PCCA: variants seen among roughly 807,000 people sequenced by gnomAD.
PCCA encodes the protein propionyl-CoA carboxylase alpha chain, mitochondrial.
Under a neutral mutation model 101.3 loss-of-function variants are expected in PCCA, and 74 were observed. The observed-to-expected ratio is 0.73, with a 90% CI of 0.61 to 0.89. The LOEUF is 0.89. Among genes scored for constraint, PCCA ranks in the 40% least tolerant of loss-of-function variants. The pLI is 0.00. For synonymous variants in PCCA, 294 were observed against 313.6 expected (o/e 0.94, Z 0.66); for missense variants, 891 against 907.0 (o/e 0.98, Z 0.23).
rs573106247 is a variant in PCCA at position 100,485,767 on chromosome 13, A to G, written c.1900-29660A>G. Among the ~76,000 whole-genome samples the G allele has an allele frequency of 4.6e-5, 7 of 152,292 alleles. 1 individual carries two copies. The highest frequency in any genetic ancestry group is 1.7e-4 in the African/African-American group (7 of 41,560). On this transcript the variant is annotated intron_variant, in intron 21 of 23. Coordinates refer to ENST00000376285, the MANE Select transcript of PCCA (RefSeq NM_000282.4). Reference sequence around the variant, plus strand: ...TAACTGGGAGAGCTGATGTATATGGAGCACTCAGTATGTGTGAGGCACCAT... The same window carrying G: ...TAACTGGGAGAGCTGATGTATATGGGGCACTCAGTATGTGTGAGGCACCAT...
chr13:100,256,541 A>C (rs2062089236), intron 8 of PCCA, among the ~76,000 whole-genome samples: 1 of 152,198 alleles, frequency 6.6e-6, no homozygotes, highest in Admixed American at 6.5e-5. Context: ...ATTTTAATTG[A>C]ATTAATTATA....
At chr13:100,256,006 T>C (rs1300612405) in intron 8 of PCCA, among the ~76,000 whole-genome samples, 1 of 152,142 alleles carries the variant, frequency 6.6e-6, no homozygotes, top group Non-Finnish European at 1.5e-5. Flanking sequence ...CATAGCATCA[T>C]TTAAATAGCC....
At chr13:100,257,495 AT>A in intron 8 of PCCA, 99 bp from the exon 9 acceptor site, 1 of 845,344 alleles carries the variant, frequency 1.2e-6, no homozygotes. Flanking sequence ...AAATAAATTA[AT>A]TATTGTTTTC....
At chr13:100,192,338 C>T (rs929693663) in intron 6 of PCCA, among the ~76,000 whole-genome samples, 7 of 152,168 alleles carry the variant, frequency 4.6e-5, no homozygotes, top group African/African-American at 1.7e-4. Flanking sequence ...GGTCCTGGTG[C>T]ACCTCTGTCT....
intron 14 of PCCA, among the ~76,000 whole-genome samples, chr13:100,306,784 C>G (rs2066486551): frequency 6.6e-6 from 1 of 152,174 alleles, no homozygotes; most frequent in Admixed American, 6.5e-5. Context: ...GGCCCAGGCC[C>G]ACATTCCTAT....
At chr13:100,455,988 C>T (rs1382834157) in intron 21 of PCCA, among the ~76,000 whole-genome samples, 1 of 152,190 alleles carries the variant, frequency 6.6e-6, no homozygotes, top group Non-Finnish European at 1.5e-5. Flanking sequence ...ATGTGAGCCA[C>T]CATGCCCGGC....
chr13:100,434,562 TG>T lies in PCCA; in HGVS notation c.1845+8836del, dbSNP rs576791661. ...GCCCTGGGATACTTTCATGTGGATT[TG>T]GGGGAACTTCTCACCTGCAGAACAC... On this transcript the variant is annotated intron_variant, in intron 20 of 23. Transcript: ENST00000376285. Among the ~76,000 whole-genome samples, 444 of 152,246 alleles carry T rather than the reference TG, an allele frequency of 2.9e-3. 4 individuals carry two copies. The highest frequency in any genetic ancestry group is 1.0e-2 in the African/African-American group (415 of 41,552).
chr13:100,089,214 C>T lies in PCCA; in HGVS notation c.94C>T (p.Arg32Trp). Residue 32 changes from arginine (R) to tryptophan (W), a missense_variant, in exon 1 of 24, where the codon CGG (arginine) becomes TGG (tryptophan). Arg to Trp is a moderately radical substitution (Grantham distance 101). Coordinates refer to ENST00000376285, the MANE Select transcript of PCCA (RefSeq NM_000282.4). ...GCAGCTGATGCTGAGCGCGGCGCTGCGGACCCTGAAGGTGAGGAGCAACGG... is the reference window on the plus strand; with the variant it reads ...GCAGCTGATGCTGAGCGCGGCGCTGTGGACCCTGAAGGTGAGGAGCAACGG... ...PQQLMLSAAL[R>W]TLKHVLYYSR... 1 of 1,521,086 alleles carries T rather than the reference C, an allele frequency of 6.6e-7. No homozygotes were observed. The highest frequency in any genetic ancestry group is 1.3e-5 in the South Asian group (1 of 79,540). 94.2% of individuals were successfully genotyped at this position (1,521,086 alleles called of 1,614,324 possible).
At chr13:100,524,502 A>G (rs1000841821) in intron 22 of PCCA, among the ~76,000 whole-genome samples, 1 of 151,898 alleles carries the variant, frequency 6.6e-6, no homozygotes, top group East Asian at 1.9e-4. Flanking sequence ...CTTAGGGATG[A>G]ATTAGGGAAA....
intron 1 of PCCA, among the ~76,000 whole-genome samples, chr13:100,102,037 T>G (rs569294272): frequency 3.3e-5 from 5 of 152,280 alleles, no homozygotes; most frequent in Admixed American, 6.5e-5. Flanking sequence ...TTTGCTGGTT[T>G]TTTTCCTCCA....
At chr13:100,494,444 G>A (rs1330623508) in intron 21 of PCCA, among the ~76,000 whole-genome samples, 1 of 152,140 alleles carries the variant, frequency 6.6e-6, no homozygotes, top group Non-Finnish European at 1.5e-5. Context: ...AGCACTTTGG[G>A]AGGCCGAGGC....
intron 12 of PCCA, among the ~76,000 whole-genome samples, chr13:100,275,838 C>G (rs2063615458): frequency 6.6e-6 from 1 of 152,112 alleles, no homozygotes; most frequent in Admixed American, 6.5e-5. Flanking sequence ...CCTGAGCTGC[C>G]AGACTGACAA....
chr13:100,160,757 T>C (rs779774654), intron 6 of PCCA: 8 of 152,200 alleles, frequency 5.3e-5, no homozygotes, highest in Non-Finnish European at 1.0e-4. Context: ...TTAACAGAGT[T>C]TACAAAGAGC....
intron 8 of PCCA, among the ~76,000 whole-genome samples, chr13:100,247,320 C>A (rs757423653): frequency 6.6e-6 from 1 of 150,966 alleles, no homozygotes; most frequent in Non-Finnish European, 1.5e-5. Context: ...AGGTTCACAC[C>A]GTTCTCTTGC....
chr13:100,320,612 T>C (rs1391805639), intron 16 of PCCA, among the ~76,000 whole-genome samples: 1 of 152,240 alleles, frequency 6.6e-6, no homozygotes, highest in African/African-American at 2.4e-5. Flanking sequence ...GTTCTGTTTA[T>C]ATGCTGGATT....
At chr13:100,383,883 C>T (rs1030501824) in intron 19 of PCCA, among the ~76,000 whole-genome samples, 4 of 152,050 alleles carry the variant, frequency 2.6e-5, no homozygotes, top group Admixed American at 1.3e-4. Context: ...TAATTATATA[C>T]GCATTGTTTG....
At chr13:100,225,014 T>C (rs2060068711) in intron 7 of PCCA, among the ~76,000 whole-genome samples, 1 of 152,192 alleles carries the variant, frequency 6.6e-6, no homozygotes. Context: ...TCTGAATAAT[T>C]TCATGCAGAA....
intron 4 of PCCA, among the ~76,000 whole-genome samples, chr13:100,135,956 AT>A (rs2051110948): frequency 6.6e-6 from 1 of 151,756 alleles, no homozygotes; most frequent in Non-Finnish European, 1.5e-5. Flanking sequence ...TGAGCGATTG[AT>A]TTTTTTAGTA....
At chr13:100,460,848 T>C (rs369219243) in intron 21 of PCCA, among the ~76,000 whole-genome samples, 1 of 152,214 alleles carries the variant, frequency 6.6e-6, no homozygotes, top group Admixed American at 6.5e-5. Flanking sequence ...GTAAACTTAA[T>C]ATGATAATTC....
Sources: gnomAD v4.1 joint callset for allele counts (sites outside exome capture counted in the v4.1 genomes callset) on GRCh38, gnomAD v4.1.1 for gene constraint, MANE v1.5 for transcripts, NCBI Gene and HGNC (gene_info 2026-07-23, HGNC 2026-07-21) for gene names.